Variants in SFPQ observed in about 807,000 individuals in gnomAD.
SFPQ encodes the protein splicing factor proline and glutamine rich.
SFPQ carries 11 observed loss-of-function variants against 72.9 expected under a neutral mutation model. That is an observed-to-expected ratio of 0.15 (90% CI 0.09 to 0.25). The LOEUF (loss-of-function observed/expected upper bound fraction) is 0.25. Ranked by LOEUF, SFPQ falls within the 10% of genes least tolerant of loss-of-function variation. The pLI, the probability that SFPQ is intolerant of heterozygous loss-of-function variation, is 1.00. For synonymous variants in SFPQ, 506 were observed against 367.3 expected (o/e 1.38, Z -4.32); for missense variants, 847 against 993.3 (o/e 0.85, Z 1.98).
At chr1:35,191,602 T>TTATCTGAAACC in intron 1 of SFPQ, 73 bp from the exon 2 acceptor site, 1 of 1,215,452 alleles carries the variant, frequency 8.2e-7, no homozygotes, top group Non-Finnish European at 1.2e-6. Flanking sequence ...TAGTATTTGC[T>TTATCTGAAACC]TATCTGAAAC....
chr1:35,183,484 T>C lies in SFPQ; in HGVS notation c.*972A>G. On this transcript the variant is annotated 3_prime_UTR_variant, in exon 10 of 10. Coordinates refer to ENST00000357214, the MANE Select transcript of SFPQ (RefSeq NM_005066.3). ...TGCCCACCTCAGCCTCCCAAAGTGC[T>C]GGGATTACAGGCGTGAGCCACCGCG... 3.4e-6 allele frequency: 3 copies of C among 882,860 alleles called. No homozygotes were observed. Among genetic ancestry groups the C allele is most frequent in the Non-Finnish European group, 4.1e-6 (3 of 728,642 alleles). 54.7% of individuals were successfully genotyped at this position (882,860 alleles called of 1,614,324 possible).
At chr1:35,180,656 T>C, downstream of SFPQ, 1 of 1,054,198 alleles carries the variant, frequency 9.5e-7, no homozygotes, top group African/African-American at 1.7e-5. Context: ...ACCTGTACTT[T>C]TAGTTCAACT....
At position 35,190,606 on chromosome 1, in the gene SFPQ, A is replaced by ATGGTT. The variant is rs761720268; in HGVS notation, c.1320-18_1320-14dup. ...TGGACGAGGAGTTCTAATAACAAAA[A>ATGGTT]TGGTTCCATCTTAGCTTTGTTCCAG... On this transcript the variant is annotated splice_polypyrimidine_tract_variant and intron_variant, in intron 3 of 9. Transcript: ENST00000357214. 1.8e-5 allele frequency: 29 copies of ATGGTT among 1,610,342 alleles called. No homozygotes were observed. Among genetic ancestry groups the ATGGTT allele is most frequent in the Non-Finnish European group, 2.5e-5 (29 of 1,177,602 alleles).
At chr1:35,182,618 A>ATT (rs1241623493), downstream of SFPQ, 1 of 985,320 alleles carries the variant, frequency 1.0e-6, no homozygotes, top group Non-Finnish European at 1.2e-6. Context: ...AAACTTCAGC[A>ATT]TGTTAATAAA....
At chr1:35,179,308 G>A (rs1639372558), downstream of SFPQ, 2 of 1,058,850 alleles carry the variant, frequency 1.9e-6, no homozygotes, top group Non-Finnish European at 2.3e-6. Flanking sequence ...CTTTATTGGG[G>A]AAAAGTGAGA....
In SFPQ at chr1:35,184,415, A is replaced by G; in HGVS notation, c.*41T>C. On this transcript the variant is annotated 3_prime_UTR_variant, in exon 10 of 10. Coordinates refer to ENST00000357214, the MANE Select transcript of SFPQ (RefSeq NM_005066.3). ...AATTTAAAAGATTGGTATCTAAACA[A>G]AAAAACAAAACAAACTGGAATGAAA... The G allele has an allele frequency of 1.9e-6, 3 of 1,592,234 alleles. No individual in the cohort carries two copies. The highest frequency in any genetic ancestry group is 2.6e-6 in the Non-Finnish European group (3 of 1,174,026).
At chr1:35,180,983 CCA>C, downstream of SFPQ, 3 of 985,436 alleles carry the variant, frequency 3.0e-6, no homozygotes, top group Non-Finnish European at 3.6e-6. Flanking sequence ...AGCTCTAACC[CCA>C]CACCCACACA....
chr1:35,186,886 G>T, intron 9 of SFPQ, 115 bp downstream of exon 9: 1 of 1,010,550 alleles, frequency 9.9e-7, no homozygotes, highest in Non-Finnish European at 1.5e-6. Flanking sequence ...AATTGGTAGG[G>T]GAAACTAAAA....
intron 2 of SFPQ, 35 bp from the exon 3 acceptor site, chr1:35,191,030 A>C (rs1356918082): frequency 6.4e-7 from 1 of 1,553,096 alleles, no homozygotes; most frequent in Admixed American, 1.8e-5. Flanking sequence ...AATGACCTCA[A>C]AATTGGATGA....
rs779207473 is a variant in SFPQ at position 35,193,089 on chromosome 1, A to C, written c.-40T>G. 6 of 1,509,500 alleles carry C rather than the reference A, an allele frequency of 4.0e-6. No individual in the cohort carries two copies. Among genetic ancestry groups the C allele is most frequent in the African/African-American group, 1.5e-5 (1 of 68,664 alleles). The allele number at this position is 1,509,500 out of a possible 1,614,324, so 93.5% of individuals were successfully genotyped here. On this transcript the variant is annotated 5_prime_UTR_variant, in exon 1 of 10. Transcript: ENST00000357214. ...GGCGGTCGAGGCAAAAGCGAAGAAGACGCTCAGGAAACGTGGAGGCCACCT... is the reference window on the plus strand; with the variant it reads ...GGCGGTCGAGGCAAAAGCGAAGAAGCCGCTCAGGAAACGTGGAGGCCACCT...
chr1:35,192,668 A>C lies in SFPQ; in HGVS notation c.382T>G (p.Ser128Ala). ...GGAGTGGCGGGCGGGGCCGAGCTGG[A>C]GGCTGGTGGTGCGCTGCCTACTCCG... ...APGVGSAPPASSSAPPATPPT... is the reference protein window; with the variant it reads ...APGVGSAPPAASSAPPATPPT... Residue 128 changes from serine (S) to alanine (A), a missense_variant, in exon 1 of 10, where the codon TCC becomes GCC. By Grantham distance (99) the Ser-to-Ala change is moderately conservative. Coordinates refer to ENST00000357214, the MANE Select transcript of SFPQ (RefSeq NM_005066.3). 2 of 1,394,082 alleles carry C rather than the reference A, an allele frequency of 1.4e-6. No homozygotes were observed. Among genetic ancestry groups the C allele is most frequent in the African/African-American group, 1.5e-5 (1 of 65,820 alleles). The allele number at this position is 1,394,082 out of a possible 1,614,324, so 86.4% of individuals were successfully genotyped here.
intron 6 of SFPQ, 45 bp downstream of exon 6, chr1:35,188,958 A>G (rs770372313): frequency 2.7e-6 from 4 of 1,507,888 alleles, no homozygotes; most frequent in African/African-American, 2.7e-5. Context: ...GATACGTTTC[A>G]AAGAAAAAAA....
chr1:35,179,765 A>G, downstream of SFPQ: 1 of 1,055,498 alleles, frequency 9.5e-7, no homozygotes, highest in Non-Finnish European at 1.1e-6. Flanking sequence ...TATACCAAGT[A>G]CATTCTCTAA....
chr1:35,182,671 AAG>A, downstream of SFPQ: 4 of 985,448 alleles, frequency 4.1e-6, no homozygotes, highest in Non-Finnish European at 4.8e-6. Context: ...GCACCAAGAA[AAG>A]AGGTGAAAAG....
In SFPQ at chr1:35,191,533, AT is replaced by A. The variant is rs1639995416; in HGVS notation, c.829-5del. Reference sequence around the variant, plus strand: ...GAGACAAATTGGCTTTAAACCCCTAATGAAAAAGGAAAGAAGTTTTCAAACA... The same window carrying A: ...GAGACAAATTGGCTTTAAACCCCTAAGAAAAAGGAAAGAAGTTTTCAAACA... On this transcript the variant is annotated splice_region_variant and splice_polypyrimidine_tract_variant and intron_variant, in intron 1 of 9. Coordinates refer to ENST00000357214, the MANE Select transcript of SFPQ (RefSeq NM_005066.3). 1 of 1,603,434 alleles carries A rather than the reference AT, an allele frequency of 6.2e-7. No individual in the cohort carries two copies.
At chr1:35,182,337 A>T (rs745665989), downstream of SFPQ, 18 of 985,422 alleles carry the variant, frequency 1.8e-5, no homozygotes, top group Non-Finnish European at 2.0e-5. Context: ...ATCACCAATT[A>T]ATAACCTGTT....
chr1:35,189,081 A>C lies in SFPQ; in HGVS notation c.1619T>G (p.Met540Arg), dbSNP rs1639867646. The C allele has an allele frequency of 6.2e-7, 1 of 1,613,402 alleles. No individual in the cohort carries two copies. The highest frequency in any genetic ancestry group is 8.5e-7 in the Non-Finnish European group (1 of 1,179,890). ...HQANLLRQDL[M>R]RRQEELRRME... The stretch of plus-strand genomic sequence containing the variant: ...GCGTCTTAATTCTTCCTGTCGTCTC[A>C]TCAGATCTGAACATTGGAAAATATT... The change falls in exon 6 of 10, where the codon ATG becomes AGG. Residue 540 changes from methionine to arginine, a missense_variant. Met to Arg is a moderately conservative substitution (Grantham distance 91). Transcript: ENST00000357214.
downstream of SFPQ, chr1:35,179,995 T>C: frequency 9.5e-7 from 1 of 1,055,140 alleles, no homozygotes; most frequent in East Asian, 5.3e-5. Context: ...TAGTCATCAT[T>C]TGCTCTTTCA....
Position 35,184,410 on chromosome 1 carries a change from AAAC to A in SFPQ, c.*43_*45del. 1 of 1,590,372 alleles carries A rather than the reference AAAC, an allele frequency of 6.3e-7. No homozygotes were observed. The highest frequency in any genetic ancestry group is 8.5e-7 in the Non-Finnish European group (1 of 1,173,436). On this transcript the variant is annotated 3_prime_UTR_variant, in exon 10 of 10. Transcript: ENST00000357214. ...GCAAGAATTTAAAAGATTGGTATCT[AAAC>A]AAAAAAACAAAACAAACTGGAATGA... is the stretch of plus-strand genomic sequence containing the variant.
Sources: allele counts gnomAD v4.1 joint callset, GRCh38; gene constraint gnomAD v4.1.1; transcripts MANE v1.5; gene names NCBI Gene and HGNC (gene_info 2026-07-23, HGNC 2026-07-21).